The following LOC400499 variants were observed in gnomAD, a reference collection of about 807,000 sequenced individuals.
At chr16:11,499,540 G>C in the LOC400499 span, among the ~76,000 whole-genome samples, 20 of 152,060 alleles carry the variant, frequency 1.3e-4, no homozygotes, top group African/African-American at 4.6e-4. Flanking sequence ...GCTGAGCAGA[G>C]CCAACAACAC....
the LOC400499 span, among the ~76,000 whole-genome samples, chr16:11,517,593 C>A: frequency 6.6e-6 from 1 of 152,160 alleles, no homozygotes; most frequent in African/African-American, 2.4e-5. Flanking sequence ...AAACCCCGAA[C>A]TGGAAGTGAC....
the LOC400499 span, among the ~76,000 whole-genome samples, chr16:11,515,468 T>C: frequency 6.9e-6 from 1 of 145,006 alleles, no homozygotes. Context: ...AGGAAATACA[T>C]ACATACGTAC....
At chr16:11,416,322 G>A in the LOC400499 span, among the ~76,000 whole-genome samples, 1 of 152,072 alleles carries the variant, frequency 6.6e-6, no homozygotes, top group African/African-American at 2.4e-5. Flanking sequence ...GATCCTGAAT[G>A]GTCAAGAGCC....
chr16:11,380,550 G>A, the LOC400499 span, among the ~76,000 whole-genome samples: 1 of 152,096 alleles, frequency 6.6e-6, no homozygotes, highest in South Asian at 2.1e-4. Flanking sequence ...AATAATAAGT[G>A]TCTTAATTTC....
chr16:11,411,330 AGAAG>A, the LOC400499 span: 2 of 399,308 alleles, frequency 5.0e-6, no homozygotes, highest in East Asian at 3.6e-5. Flanking sequence ...GCTCTTTGCT[AGAAG>A]GAAGGAAAGA....
the LOC400499 span, among the ~76,000 whole-genome samples, chr16:11,438,946 G>C: frequency 6.6e-6 from 1 of 152,064 alleles, no homozygotes; most frequent in Non-Finnish European, 1.5e-5. Context: ...TTTTATTGCT[G>C]TCAAATTAAT....
chr16:11,416,524 C>T, the LOC400499 span, among the ~76,000 whole-genome samples: 7,089 of 152,254 alleles, frequency 0.047, 562 homozygotes, highest in African/African-American at 0.16. Flanking sequence ...ACCTACTATG[C>T]ACCCTACGGC....
the LOC400499 span, among the ~76,000 whole-genome samples, chr16:11,401,736 G>A: frequency 6.6e-6 from 1 of 152,220 alleles, no homozygotes; most frequent in African/African-American, 2.4e-5. Flanking sequence ...CTGAACACGG[G>A]CCCATTAATA....
the LOC400499 span, among the ~76,000 whole-genome samples, chr16:11,403,415 A>ACACACACAGGCATG: frequency 1.3e-5 from 2 of 152,118 alleles, no homozygotes; most frequent in Admixed American, 1.3e-4. Flanking sequence ...ACAAATACAC[A>ACACACACAGGCATG]CACACACAGG....
At chr16:11,445,445 A>G in the LOC400499 span, among the ~76,000 whole-genome samples, 1 of 151,754 alleles carries the variant, frequency 6.6e-6, no homozygotes, top group Non-Finnish European at 1.5e-5. Context: ...AAAGAAAAAG[A>G]TATAAGGCAT....
chr16:11,430,384 G>A, the LOC400499 span, among the ~76,000 whole-genome samples: 1 of 152,098 alleles, frequency 6.6e-6, no homozygotes, highest in Non-Finnish European at 1.5e-5. Flanking sequence ...AAGCTACTCG[G>A]GAGGCTGAGG....
chr16:11,391,668 T>C, the LOC400499 span: 1 of 1,232,110 alleles, frequency 8.1e-7, no homozygotes, highest in Non-Finnish European at 1.0e-6. Flanking sequence ...ACACTTACAT[T>C]CCAGCTCCTC....
At chr16:11,483,201 A>G in the LOC400499 span, among the ~76,000 whole-genome samples, 1 of 152,200 alleles carries the variant, frequency 6.6e-6, no homozygotes, top group Non-Finnish European at 1.5e-5. Context: ...CTCTCACACA[A>G]TGCTGGTGGG....
the LOC400499 span, among the ~76,000 whole-genome samples, chr16:11,403,064 C>G: frequency 6.6e-6 from 1 of 152,130 alleles, no homozygotes; most frequent in African/African-American, 2.4e-5. Flanking sequence ...CCAGGTGAGT[C>G]AAGCTGACCT....
the LOC400499 span, among the ~76,000 whole-genome samples, chr16:11,480,894 C>T: frequency 6.6e-6 from 1 of 152,202 alleles, no homozygotes; most frequent in Non-Finnish European, 1.5e-5. Flanking sequence ...CAAAGTCAGA[C>T]ACAAAAAGAA....
chr16:11,525,307 A>T, the LOC400499 span, among the ~76,000 whole-genome samples: 20 of 149,100 alleles, frequency 1.3e-4, no homozygotes, highest in Middle Eastern at 3.4e-3. Context: ...AAAAAAAAAA[A>T]AGGAAAAACA....
At chr16:11,463,925 T>C in the LOC400499 span, among the ~76,000 whole-genome samples, 3 of 152,154 alleles carry the variant, frequency 2.0e-5, no homozygotes, top group East Asian at 3.9e-4. Context: ...TGTGTGAATA[T>C]GGATGTATAT....
chr16:11,374,732 G>C, the LOC400499 span, among the ~76,000 whole-genome samples: 1 of 152,150 alleles, frequency 6.6e-6, no homozygotes, highest in Non-Finnish European at 1.5e-5. Flanking sequence ...TGGACACTTG[G>C]GTTGCTGCTG....
the LOC400499 span, chr16:11,448,008 C>T: frequency 6.5e-7 from 1 of 1,536,100 alleles, no homozygotes. Flanking sequence ...CTTCCAACTG[C>T]AGGCCCCGAG....
Sources: allele counts gnomAD v4.1 joint callset (sites outside exome capture counted in the v4.1 genomes callset), GRCh38; gene constraint gnomAD v4.1.1; transcripts MANE v1.5.